Variants in GPC6 observed in about 807,000 individuals in gnomAD.
GPC6 encodes glypican-6.
A neutral mutation model predicts 55.2 loss-of-function variants in GPC6; 14 were observed. The observed-to-expected ratio is 0.25, with a 90% CI of 0.17 to 0.40. GPC6 has a LOEUF of 0.40. GPC6 is among the 10% of genes least tolerant of loss of function. GPC6 has a pLI of 1.00. For missense variants in GPC6, 641 were observed against 708.5 expected (o/e 0.90, Z 1.08); for synonymous variants, 278 against 259.6 (o/e 1.07, Z -0.68).
intron 2 of GPC6, among the ~76,000 whole-genome samples, chr13:93,584,684 G>GTTTTTTTTT (rs779571682): frequency 1.0e-5 from 1 of 95,570 alleles, no homozygotes; most frequent in African/African-American, 4.7e-5. Context: ...CCTTCTGAAA[G>GTTTTTTTTT]TTTTTTTTTT....
In GPC6 at chr13:93,784,689, T is replaced by C. The variant is rs145646356; in HGVS notation, c.320-45465T>C. Among the ~76,000 whole-genome samples the C allele has an allele frequency of 1.9e-3, 293 of 152,346 alleles. 1 individual carries two copies. The highest frequency in any genetic ancestry group is 6.7e-3 in the African/African-American group (279 of 41,574). ...AAGAAGTGGCCTGTAATTTTATGTA[T>C]GCTTGAAGAGAAATTCTCAAAGTTG... is the stretch of plus-strand genomic sequence containing the variant. On this transcript the variant is annotated intron_variant, in intron 2 of 8. Coordinates refer to ENST00000377047, the MANE Select transcript of GPC6 (RefSeq NM_005708.5).
At position 93,380,086 on chromosome 13, in the gene GPC6, G is replaced by A. The variant is rs115337834; in HGVS notation, c.160+152470G>A. ...AAGGGATATTTACATTTTATTTATG[G>A]TCTTAATATGCAGGAGAAAATATCT... is the stretch of plus-strand genomic sequence containing the variant. On this transcript the variant is annotated intron_variant, in intron 1 of 8. Transcript: ENST00000377047. 7.6e-3 allele frequency among the ~76,000 whole-genome samples: 1,156 copies of A among 152,066 alleles called. 16 individuals are homozygous for A. The highest frequency in any genetic ancestry group is 0.026 in the African/African-American group (1,095 of 41,476).
Position 94,401,944 on chromosome 13 carries a change from T to TGATA in GPC6, c.1466-1046_1466-1043dup, listed in dbSNP as rs200622525. Among the ~76,000 whole-genome samples, 445 of 149,846 alleles carry TGATA rather than the reference T, an allele frequency of 3.0e-3. 4 individuals carry two copies. Among genetic ancestry groups the TGATA allele is most frequent in the Middle Eastern group, 6.8e-3 (2 of 294 alleles). On this transcript the variant is annotated intron_variant, in intron 8 of 8. Transcript: ENST00000377047. ...CAGACCCTATGATTGATTGATTGAT[T>TGATA]GATAGATAGATAGATAGATAGATAG...
intron 2 of GPC6, among the ~76,000 whole-genome samples, chr13:93,663,101 A>G (rs1750322187): frequency 6.6e-6 from 1 of 151,766 alleles, no homozygotes; most frequent in South Asian, 2.1e-4. Flanking sequence ...GTTGCAAAAA[A>G]AAAAAAAAAA....
intron 2 of GPC6, among the ~76,000 whole-genome samples, chr13:93,760,885 A>C (rs576394846): frequency 6.6e-6 from 1 of 152,210 alleles, no homozygotes; most frequent in African/African-American, 2.4e-5. Context: ...ATTGAAATGA[A>C]AAGCACTAAA....
intron 4 of GPC6, among the ~76,000 whole-genome samples, chr13:94,077,132 C>T (rs1392044461): frequency 6.6e-6 from 1 of 151,590 alleles, no homozygotes; most frequent in East Asian, 1.9e-4. Context: ...GATATTTTTC[C>T]ATTTATTTGG....
rs1478239595 is a variant in GPC6, at chr13:93,312,180, G to GT, written c.160+84570dup. The stretch of plus-strand genomic sequence containing the variant: ...ATTCCAGGTCTTTGGAAAATAGTCA[G>GT]TTTTTTGTCTGATAAATTATCTCTT... On this transcript the variant is annotated intron_variant, in intron 1 of 8. Transcript: ENST00000377047. 3.9e-5 allele frequency among the ~76,000 whole-genome samples: 6 copies of GT among 152,176 alleles called. No individual in the cohort carries two copies. In the South Asian group the frequency reaches 6.2e-4, roughly 16 times the overall value.
intron 3 of GPC6, among the ~76,000 whole-genome samples, chr13:93,954,180 C>G (rs568944472): frequency 7.2e-4 from 109 of 152,234 alleles, no homozygotes; most frequent in Admixed American, 1.4e-3. Flanking sequence ...TATCTGGCTT[C>G]TTTCAACACA....
intron 1 of GPC6, among the ~76,000 whole-genome samples, chr13:93,437,859 C>T (rs1403087989): frequency 3.9e-5 from 6 of 152,158 alleles, no homozygotes; most frequent in African/African-American, 1.2e-4. Flanking sequence ...GTAAGACTTT[C>T]ATATTTAGAG....
At chr13:93,301,180 G>C (rs960285542) in intron 1 of GPC6, among the ~76,000 whole-genome samples, 1 of 152,120 alleles carries the variant, frequency 6.6e-6, no homozygotes, top group African/African-American at 2.4e-5. Context: ...AATTGTTACT[G>C]TCTTTGATAA....
intron 1 of GPC6, among the ~76,000 whole-genome samples, chr13:93,253,399 A>C (rs1179724323): frequency 6.6e-6 from 1 of 152,204 alleles, no homozygotes; most frequent in African/African-American, 2.4e-5. Flanking sequence ...AGGCTCTCTT[A>C]CCTGTATCAG....
At chr13:94,360,816 A>G (rs1285935506) in intron 6 of GPC6, among the ~76,000 whole-genome samples, 1 of 152,188 alleles carries the variant, frequency 6.6e-6, no homozygotes, top group African/African-American at 2.4e-5. Flanking sequence ...GTTCTGTTGT[A>G]ATGGTTAATT....
At chr13:94,102,049 G>A (rs1439786207) in intron 4 of GPC6, among the ~76,000 whole-genome samples, 1 of 151,824 alleles carries the variant, frequency 6.6e-6, no homozygotes, top group African/African-American at 2.4e-5. Flanking sequence ...CATATTAAAA[G>A]GTACACATAA....
rs77289338 is a variant in GPC6 at position 93,657,045 on chromosome 13, C to T, written c.319+111624C>T. ...TACTGCCCAAAGCAATGTACAGATT[C>T]AATGTTATTCTGATCAAACTACCAA... On this transcript the variant is annotated intron_variant, in intron 2 of 8. Transcript: ENST00000377047. Among the ~76,000 whole-genome samples, 1,315 of 152,098 alleles carry T rather than the reference C, an allele frequency of 8.6e-3. 34 individuals are homozygous for T. The highest frequency in any genetic ancestry group is 0.03 in the African/African-American group (1,245 of 41,516).
intron 4 of GPC6, among the ~76,000 whole-genome samples, chr13:94,222,606 T>C (rs1161704702): frequency 6.6e-6 from 1 of 152,060 alleles, no homozygotes; most frequent in African/African-American, 2.4e-5. Flanking sequence ...TCCAAGAAAA[T>C]CTAATAGAAT....
chr13:93,705,813 T>G (rs1349186083), intron 2 of GPC6, among the ~76,000 whole-genome samples: 1 of 128,048 alleles, frequency 7.8e-6, no homozygotes, highest in Non-Finnish European at 1.7e-5. Context: ...GCATCCTTTC[T>G]GTTTTTTTTT....
At chr13:93,436,874 C>G (rs1232251977) in intron 1 of GPC6, among the ~76,000 whole-genome samples, 2 of 152,028 alleles carry the variant, frequency 1.3e-5, no homozygotes, top group Admixed American at 6.6e-5. Flanking sequence ...TTGAGCTTCA[C>G]AGATAGTGCT....
At chr13:94,066,973 G>A (rs1479579354) in intron 4 of GPC6, among the ~76,000 whole-genome samples, 2 of 152,108 alleles carry the variant, frequency 1.3e-5, no homozygotes, top group Admixed American at 6.6e-5. Flanking sequence ...ATATGTGTTG[G>A]TGCATCTTTG....
intron 1 of GPC6, among the ~76,000 whole-genome samples, chr13:93,431,738 G>A (rs760859337): frequency 2.0e-5 from 3 of 152,156 alleles, no homozygotes; most frequent in Non-Finnish European, 4.4e-5. Flanking sequence ...TGAAGGATGA[G>A]ACAAATTTGG....
Sources: gnomAD v4.1 joint callset for allele counts (sites outside exome capture counted in the v4.1 genomes callset) on GRCh38, gnomAD v4.1.1 for gene constraint, MANE v1.5 for transcripts, NCBI Gene and HGNC (gene_info 2026-07-23, HGNC 2026-07-21) for gene names.